The following VAV2 variants were observed in gnomAD, a reference collection of about 807,000 sequenced individuals.
VAV2 encodes the protein vav guanine nucleotide exchange factor 2, also known as guanine nucleotide exchange factor VAV2.
Under a neutral mutation model 132.5 loss-of-function variants are expected in VAV2, and 67 were observed. The ratio of observed to expected loss-of-function variants is 0.51; its 90% confidence interval spans 0.42 to 0.62. VAV2 has a LOEUF of 0.62. Ranked by LOEUF, VAV2 falls within the 20% of genes least tolerant of loss-of-function variation. The pLI is 0.00. For missense variants in VAV2, 938 were observed against 1,153.6 expected (o/e 0.81, Z 2.71); for synonymous variants, 492 against 443.5 (o/e 1.11, Z -1.37).
intron 6 of VAV2, 77 bp from the exon 7 acceptor site, chr9:133,809,215 C>CTGCA: frequency 8.0e-7 from 1 of 1,252,016 alleles, no homozygotes; most frequent in Non-Finnish European, 1.2e-6. Flanking sequence ...ACCGCGACAC[C>CTGCA]CGGACACCTC....
rs529557086 is a variant in VAV2, at chr9:133,896,107, C to T, written c.322-34675G>A. 7.0e-4 allele frequency among the ~76,000 whole-genome samples: 106 copies of T among 151,210 alleles called. 21 individuals are homozygous for T. The highest frequency in any genetic ancestry group is 2.8e-3 in the Admixed American group (42 of 15,182). On this transcript the variant is annotated intron_variant, in intron 2 of 29. Coordinates refer to ENST00000371850, the MANE Select transcript of VAV2 (RefSeq NM_001134398.2). Reference sequence around the variant, plus strand: ...TCCGCAGTGTTTGTGTCCCTGGGTACTTAAGATTAGGGAGTGGTGATGACT... The same window carrying T: ...TCCGCAGTGTTTGTGTCCCTGGGTATTTAAGATTAGGGAGTGGTGATGACT...
Position 133,815,417 on chromosome 9 carries a change from T to TA in VAV2, c.450-3202dup, listed in dbSNP as rs546121526. Among the ~76,000 whole-genome samples, 65 of 152,188 alleles carry TA rather than the reference T, an allele frequency of 4.3e-4. 1 individual carries two copies. Among genetic ancestry groups the TA allele is most frequent in the Non-Finnish European group, 7.5e-4 (51 of 68,004 alleles). On this transcript the variant is annotated intron_variant, in intron 4 of 29. Coordinates refer to ENST00000371850, the MANE Select transcript of VAV2 (RefSeq NM_001134398.2). The stretch of plus-strand genomic sequence containing the variant: ...GTGTCACTCATGCCCTCCCACACCA[T>TA]AGAGTATTTTCATCTCACCGGAGCT...
intron 4 of VAV2, among the ~76,000 whole-genome samples, chr9:133,820,405 G>A (rs1044511529): frequency 2.6e-5 from 4 of 151,736 alleles, no homozygotes; most frequent in African/African-American, 7.3e-5. Context: ...CTCACTGCAG[G>A]CTCTGCCTCC....
intron 2 of VAV2, among the ~76,000 whole-genome samples, chr9:133,923,270 C>T (rs553447979): frequency 6.6e-6 from 1 of 152,164 alleles, no homozygotes; most frequent in Non-Finnish European, 1.5e-5. Context: ...CTGGGGAGAA[C>T]AGTACGGAGT....
rs559770730 is a variant in VAV2 at position 133,928,153 on chromosome 9, G to C, written c.321+10950C>G. 6.6e-6 allele frequency among the ~76,000 whole-genome samples: 1 copy of C among 150,494 alleles called. No individual in the cohort carries two copies. Among genetic ancestry groups the C allele is most frequent in the Admixed American group, 6.6e-5 (1 of 15,038 alleles). ...GTTATAAAACGGCGGGTCAGCATCCGATGGGCTTACCGACTCCGTGTGTGT... is the reference window on the plus strand; with the variant it reads ...GTTATAAAACGGCGGGTCAGCATCCCATGGGCTTACCGACTCCGTGTGTGT... On this transcript the variant is annotated intron_variant, in intron 2 of 29. Transcript: ENST00000371850. The surrounding 1 kb of genome is among the most constrained non-coding windows in gnomAD (Gnocchi z 5.4).
At chr9:133,968,520 G>T (rs1054944118) in intron 1 of VAV2, among the ~76,000 whole-genome samples, 5 of 152,120 alleles carry the variant, frequency 3.3e-5, no homozygotes, top group Admixed American at 1.3e-4. Context: ...GAAGAGAAAC[G>T]CGCTCGGGGC....
At chr9:133,903,211 A>C (rs762066239) in intron 2 of VAV2, among the ~76,000 whole-genome samples, 1 of 151,980 alleles carries the variant, frequency 6.6e-6, no homozygotes, top group African/African-American at 2.4e-5. Flanking sequence ...CCTGTGCCCC[A>C]GAAGGCACCA....
chr9:133,783,528 C>G lies in VAV2; in HGVS notation c.1698G>C (p.Leu566=), dbSNP rs1407651644. Residue 566 remains leucine (L), a synonymous_variant, in exon 19 of 30, where the codon CTG becomes CTC. Transcript: ENST00000371850. ...TGAACTTGCAGGGAGGTATCACTTC[C>G]AGGCACTCCTTGTGTGCCCCGACGC... ...KCGVGAHKEC[L]EVIPPCKFTS... is the part of the protein sequence containing the mutation. 2 of 1,613,816 alleles carry G rather than the reference C, an allele frequency of 1.2e-6. No individual in the cohort carries two copies. The highest frequency in any genetic ancestry group is 2.7e-5 in the African/African-American group (2 of 74,870).
intron 4 of VAV2, among the ~76,000 whole-genome samples, chr9:133,830,330 C>A (rs2131766986): frequency 6.6e-6 from 1 of 152,304 alleles, no homozygotes; most frequent in Non-Finnish European, 1.5e-5. Flanking sequence ...TGTCCCCACC[C>A]AAATCTCATC....
intron 2 of VAV2, among the ~76,000 whole-genome samples, chr9:133,869,711 A>G (rs1432860932): frequency 1.3e-5 from 2 of 152,220 alleles, no homozygotes; most frequent in African/African-American, 4.8e-5. Flanking sequence ...GGCTCTGCCG[A>G]TCAGAAGAGC....
intron 2 of VAV2, among the ~76,000 whole-genome samples, chr9:133,902,243 C>A (rs1349526399): frequency 6.6e-6 from 1 of 152,176 alleles, no homozygotes; most frequent in African/African-American, 2.4e-5. Context: ...GTGAGGACCA[C>A]GCAGGACAAT....
At chr9:133,936,239 C>T (rs1274946189) in intron 2 of VAV2, among the ~76,000 whole-genome samples, 1 of 126,798 alleles carries the variant, frequency 7.9e-6, no homozygotes, top group Admixed American at 8.4e-5. Flanking sequence ...GCAGCCATTG[C>T]GTCTTTTTTT....
chr9:133,860,680 TG>T (rs200189100), intron 3 of VAV2, among the ~76,000 whole-genome samples: 4,484 of 152,240 alleles, frequency 0.029, 199 homozygotes, highest in African/African-American at 0.1. Context: ...CTCACCCTGC[TG>T]GCCCCTGTCC....
At chr9:133,952,136 T>G (rs1841580756) in intron 1 of VAV2, among the ~76,000 whole-genome samples, 1 of 151,982 alleles carries the variant, frequency 6.6e-6, no homozygotes, top group Admixed American at 6.6e-5. Context: ...TAACGTCACA[T>G]TTTGGGGTAG....
At chr9:133,845,814 G>A (rs1836911939) in intron 3 of VAV2, among the ~76,000 whole-genome samples, 1 of 152,228 alleles carries the variant, frequency 6.6e-6, no homozygotes, top group South Asian at 2.1e-4. Context: ...GGTGAGACAG[G>A]GATGCCAGTC....
chr9:133,776,041 T>C lies in VAV2; in HGVS notation c.2005A>G (p.Thr669Ala), dbSNP rs755866286. ...SRPPSREIDYTAYPWFAGNME... is the reference protein window; with the variant it reads ...SRPPSREIDYAAYPWFAGNME... ...CGATCCACTCACCAGGGGTATGCAG[T>C]GTAGTCGATCTCCCGGGATGGCGGC... Residue 669 changes from threonine to alanine, a missense_variant, in exon 24 of 30, where the codon ACT becomes GCT. By Grantham distance (58) the Thr-to-Ala change is moderately conservative (BLOSUM62 0). Transcript: ENST00000371850. The C allele has an allele frequency of 1.4e-5, 23 of 1,612,654 alleles. No individual in the cohort carries two copies. The highest frequency in any genetic ancestry group is 1.9e-5 in the Non-Finnish European group (22 of 1,179,530).
intron 1 of VAV2, among the ~76,000 whole-genome samples, chr9:133,959,565 G>A (rs1400637191): frequency 3.9e-5 from 6 of 152,200 alleles, no homozygotes; most frequent in Admixed American, 1.3e-4. Context: ...CCGTCTGGAC[G>A]GAAGAAAGAG....
intron 1 of VAV2, among the ~76,000 whole-genome samples, chr9:133,971,764 T>TG (rs1475810162): frequency 6.6e-6 from 1 of 152,062 alleles, no homozygotes; most frequent in Non-Finnish European, 1.5e-5. Context: ...ACCCACAGCC[T>TG]GGGGCCACCT....
chr9:133,853,109 C>G (rs551933724), intron 3 of VAV2, among the ~76,000 whole-genome samples: 1 of 152,352 alleles, frequency 6.6e-6, no homozygotes, highest in Non-Finnish European at 1.5e-5. Flanking sequence ...AGGTAAAAGC[C>G]GTGGCAGGCC....
Sources: gnomAD v4.1 joint callset for allele counts (sites outside exome capture counted in the v4.1 genomes callset) on GRCh38, gnomAD v4.1.1 for gene constraint, Gnocchi (gnomAD v3.1) non-coding constraint, MANE v1.5 for transcripts, NCBI Gene and HGNC (gene_info 2026-07-23, HGNC 2026-07-21) for gene names.